The following SHOC2 variants were observed in gnomAD, a reference collection of about 807,000 sequenced individuals.
SHOC2 encodes SHOC2 leucine rich repeat scaffold protein, also known as leucine-rich repeat protein SHOC-2.
SHOC2 carries 4 observed loss-of-function variants against 50.2 expected under a neutral mutation model. That is an observed-to-expected ratio of 0.08 (90% CI 0.04 to 0.18). SHOC2 has a LOEUF of 0.18. Among genes scored for constraint, SHOC2 ranks in the 10% least tolerant of loss-of-function variants. The probability of loss-of-function intolerance (pLI) is 1.00; values close to 1 mark genes in which losing one functional copy is unlikely to be tolerated. For missense variants in SHOC2, 388 were observed against 669.6 expected (o/e 0.58, Z 4.64); for synonymous variants, 218 against 244.5 (o/e 0.89, Z 1.01).
intron 1 of SHOC2, among the ~76,000 whole-genome samples, chr10:110,920,371 C>G (rs1367547589): frequency 6.6e-6 from 1 of 152,170 alleles, no homozygotes; most frequent in African/African-American, 2.4e-5. Flanking sequence ...TCTTCCCCGA[C>G]TTCCCCAGGC....
rs1847637196 is a variant in SHOC2 at position 110,964,588 on chromosome 10, C to T, written c.230C>T (p.Pro77Leu). Residue 77 changes from proline to leucine, a missense_variant, in exon 2 of 9, where the codon CCA becomes CTA. Physicochemically the swap from Pro to Leu is moderately conservative, Grantham distance 98. Coordinates refer to ENST00000369452, the MANE Select transcript of SHOC2 (RefSeq NM_007373.4). The surrounding 1 kb of genome is among the most constrained non-coding windows in gnomAD (Gnocchi z 4.9). ...SVDNTIKRPN[P>L]APGTRKKSSN... ...GACAATACGATCAAACGGCCAAACCCAGCACCTGGGACTAGAAAAAAATCC... is the reference window on the plus strand; with the variant it reads ...GACAATACGATCAAACGGCCAAACCTAGCACCTGGGACTAGAAAAAAATCC... 1.9e-6 allele frequency: 3 copies of T among 1,613,960 alleles called. No individual in the cohort carries two copies. The highest frequency in any genetic ancestry group is 1.3e-5 in the African/African-American group (1 of 74,896).
At chr10:110,928,754 G>A (rs1400823632) in intron 1 of SHOC2, among the ~76,000 whole-genome samples, 1 of 152,108 alleles carries the variant, frequency 6.6e-6, no homozygotes, top group Non-Finnish European at 1.5e-5. Flanking sequence ...AATTAACAGG[G>A]TGTGGTGGCA....
chr10:110,935,267 A>G lies in SHOC2; in HGVS notation c.-235+15610A>G, dbSNP rs140833246. ...ACCACAGAGGAAGAAACTGAGGCACAGAAACTTTAAATGACATGCTAGTAG... is the reference window on the plus strand; with the variant it reads ...ACCACAGAGGAAGAAACTGAGGCACGGAAACTTTAAATGACATGCTAGTAG... On this transcript the variant is annotated intron_variant, in intron 1 of 8. Coordinates refer to ENST00000369452, the MANE Select transcript of SHOC2 (RefSeq NM_007373.4). Among the ~76,000 whole-genome samples, 71 of 152,374 alleles carry G rather than the reference A, an allele frequency of 4.7e-4. 1 individual carries two copies. The East Asian group carries it at 0.012, about 25-fold the overall frequency.
rs1464279974 is a variant in SHOC2 at position 111,012,607 on chromosome 10, C to T, written c.*789C>T. ...TTAAGTTTGGGGGAAGAGAAACTTG[C>T]AGTGAAAAGGAGTTTTTTCATTCCT... On this transcript the variant is annotated 3_prime_UTR_variant, in exon 9 of 9. Coordinates refer to ENST00000369452, the MANE Select transcript of SHOC2 (RefSeq NM_007373.4). 3 of 151,982 alleles carry T rather than the reference C, an allele frequency of 2.0e-5. No homozygotes were observed. The highest frequency in any genetic ancestry group is 2.0e-4 in the Admixed American group (3 of 15,248). 9.4% of individuals were successfully genotyped at this position (151,982 alleles called of 1,614,324 possible).
At chr10:110,958,757 A>C (rs1847517477) in intron 1 of SHOC2, among the ~76,000 whole-genome samples, 1 of 152,000 alleles carries the variant, frequency 6.6e-6, no homozygotes, top group Non-Finnish European at 1.5e-5. Context: ...GTCTTGAATA[A>C]TCATGCTGCC....
chr10:110,936,703 T>C (rs1455448954), intron 1 of SHOC2: 1 of 938,680 alleles, frequency 1.1e-6, no homozygotes, highest in Non-Finnish European at 1.7e-6. Flanking sequence ...CCTGTTTCCG[T>C]AGGCTTATGA....
intron 3 of SHOC2, chr10:110,989,082 AT>A (rs1848134293): frequency 2.1e-6 from 1 of 485,426 alleles, no homozygotes; most frequent in African/African-American, 2.0e-5. Context: ...ATTTACCTCC[AT>A]TGTGGTCAAG....
At chr10:110,986,996 C>T (rs896886929) in intron 3 of SHOC2, among the ~76,000 whole-genome samples, 2 of 152,168 alleles carry the variant, frequency 1.3e-5, no homozygotes, top group African/African-American at 4.8e-5. Context: ...CCAGTTCACC[C>T]TTACTGGTAG....
At chr10:110,938,272 AAGTATTTTTTCC>A (rs1847068321) in intron 1 of SHOC2, among the ~76,000 whole-genome samples, 2 of 152,142 alleles carry the variant, frequency 1.3e-5, no homozygotes, top group South Asian at 4.1e-4. Flanking sequence ...GAGAGAAGCT[AAGTATTTTTTCC>A]ACCCCATTTC....
intron 1 of SHOC2, among the ~76,000 whole-genome samples, chr10:110,956,025 G>T (rs180885384): frequency 3.5e-4 from 54 of 152,230 alleles, no homozygotes; most frequent in African/African-American, 1.2e-3. Flanking sequence ...AATTACATGG[G>T]TCACACAACC....
At position 110,964,212 on chromosome 10, in the gene SHOC2, A is replaced by G. The variant is rs1408845642; in HGVS notation, c.-147A>G. The G allele has an allele frequency of 1.6e-6, 2 of 1,238,058 alleles. No homozygotes were observed. Among genetic ancestry groups the G allele is most frequent in the Non-Finnish European group, 2.2e-6 (2 of 903,992 alleles). The allele number at this position is 1,238,058 out of a possible 1,614,324, so 76.7% of individuals were successfully genotyped here. On this transcript the variant is annotated 5_prime_UTR_variant, in exon 2 of 9. It removes an upstream start codon present in the reference 5' UTR. Coordinates refer to ENST00000369452, the MANE Select transcript of SHOC2 (RefSeq NM_007373.4). The surrounding 1 kb of genome is among the most constrained non-coding windows in gnomAD (Gnocchi z 4.9). ...TGGGCATAGTGCTTTTAGATCCAAC[A>G]TGTAACAGATGGATGTTACTCCATG...
intron 2 of SHOC2, among the ~76,000 whole-genome samples, chr10:110,985,331 G>C (rs1848057978): frequency 6.6e-6 from 1 of 151,994 alleles, no homozygotes; most frequent in African/African-American, 2.4e-5. Context: ...TAATCATTCA[G>C]AAACAACATT....
At chr10:110,936,760 C>T (rs1847025949) in intron 1 of SHOC2, 1 of 987,032 alleles carries the variant, frequency 1.0e-6, no homozygotes, top group Non-Finnish European at 1.6e-6. Context: ...CTTTCCTCTT[C>T]TCCTCCAGGG....
intron 3 of SHOC2, among the ~76,000 whole-genome samples, chr10:110,999,429 G>C (rs1222439621): frequency 6.6e-6 from 1 of 151,914 alleles, no homozygotes; most frequent in Non-Finnish European, 1.5e-5. Context: ...TGTAGTCTTG[G>C]CAAGAAAAGT....
intron 3 of SHOC2, among the ~76,000 whole-genome samples, chr10:110,989,375 T>A (rs942301816): frequency 6.6e-6 from 1 of 152,240 alleles, no homozygotes; most frequent in African/African-American, 2.4e-5. Flanking sequence ...TTGCCATAGT[T>A]GCCTCAGTCA....
intron 1 of SHOC2, among the ~76,000 whole-genome samples, chr10:110,960,660 T>C (rs1847553373): frequency 1.3e-5 from 2 of 152,136 alleles, no homozygotes; most frequent in South Asian, 4.1e-4. Context: ...AACTCAGAGC[T>C]CCACCAAGTT....
At chr10:110,983,226 T>C (rs574161827) in intron 2 of SHOC2, among the ~76,000 whole-genome samples, 1 of 152,208 alleles carries the variant, frequency 6.6e-6, no homozygotes, top group South Asian at 2.1e-4. Context: ...TTTTTTATCT[T>C]TGTAAGTCAT....
intron 2 of SHOC2, 81 bp from the exon 3 acceptor site, chr10:110,985,547 G>C (rs1340476021): frequency 1.9e-6 from 2 of 1,049,906 alleles, no homozygotes; most frequent in Admixed American, 1.9e-5. Flanking sequence ...AGAAATTATA[G>C]ATTTATTTTC....
intron 7 of SHOC2, 28 bp downstream of exon 7, chr10:111,009,413 T>C: frequency 1.9e-6 from 3 of 1,583,244 alleles, no homozygotes; most frequent in South Asian, 2.2e-5. Flanking sequence ...TTTGTAGTTT[T>C]ATAAAGTTTT....
Sources: allele counts gnomAD v4.1 joint callset (sites outside exome capture counted in the v4.1 genomes callset), GRCh38; gene constraint gnomAD v4.1.1; non-coding constraint Gnocchi (gnomAD v3.1); transcripts MANE v1.5; gene names NCBI Gene and HGNC (gene_info 2026-07-23, HGNC 2026-07-21).